The following CLBA1 variants were observed in gnomAD, a reference collection of about 807,000 sequenced individuals.
The protein encoded by CLBA1 is uncharacterized protein CLBA1.
CLBA1 carries 30 observed loss-of-function variants against 28.8 expected under a neutral mutation model. That is an observed-to-expected ratio of 1.04 (90% CI 0.78 to 1.41). The LOEUF is 1.41. Ranked by LOEUF, CLBA1 falls within the 40% of genes most tolerant of loss-of-function variation. CLBA1 has a pLI of 0.00. For synonymous variants in CLBA1, 160 were observed against 152.8 expected (o/e 1.05, Z -0.35); for missense variants, 451 against 412.3 (o/e 1.09, Z -0.81).
In CLBA1 at chr14:104,986,113, G is replaced by T; in HGVS notation, c.-319G>T. 2.4e-6 allele frequency: 1 copy of T among 414,742 alleles called. No homozygotes were observed. The highest frequency in any genetic ancestry group is 4.5e-6 in the Non-Finnish European group (1 of 221,544). The allele number at this position is 414,742 out of a possible 1,614,324, so 25.7% of individuals were successfully genotyped here. A position where few individuals can be genotyped will look rare whatever the true frequency, so the allele number is the denominator to read the frequency against. On this transcript the variant is annotated 5_prime_UTR_variant, in exon 1 of 5. The change creates a new upstream start codon in the 5' untranslated region. Transcript: ENST00000547315. ...CCCCCTCGCGGCTCTCTCCAGAGCA[G>T]GAGCCCCACCTTGGGCCGCCCCTCT...
Position 104,986,610 on chromosome 14 carries a change from G to A in CLBA1, c.179G>A (p.Gly60Asp), listed in dbSNP as rs1899870183. ...GKASISMPRE[G>D]GSTCTARCPD... ...GCCAGCATCTCCATGCCCCGTGAGG[G>A]CGGTTCCACCTGCACTGCCCGATGT... Residue 60 changes from glycine (G) to aspartate (D), a missense_variant, in exon 1 of 5, where the codon GGC (glycine) becomes GAC (aspartate). Transcript: ENST00000547315. 6.2e-7 allele frequency: 1 copy of A among 1,614,102 alleles called. No homozygotes were observed. The highest frequency in any genetic ancestry group is 8.5e-7 in the Non-Finnish European group (1 of 1,180,020).
At chr14:104,995,574 G>A (rs1310879599), downstream of CLBA1, 1 of 934,036 alleles carries the variant, frequency 1.1e-6, no homozygotes, top group Non-Finnish European at 1.3e-6. Context: ...CTGTCCCCAG[G>A]GGAGGCCTGA....
chr14:104,999,625 T>G (rs1042406345), downstream of CLBA1: 1 of 152,230 alleles, frequency 6.6e-6, no homozygotes, highest in Non-Finnish European at 1.5e-5. Context: ...ATCATGGCAG[T>G]AACAGATGGT....
At chr14:104,995,644 C>T, downstream of CLBA1, 1 of 265,098 alleles carries the variant, frequency 3.8e-6, no homozygotes, top group South Asian at 1.4e-4. Flanking sequence ...CACAGGGGAC[C>T]ATAGCCTCCA....
rs761228514 is a variant in CLBA1, at chr14:104,986,835, C to A, written c.404C>A (p.Ser135Tyr). 1.5e-5 allele frequency: 24 copies of A among 1,613,142 alleles called. No homozygotes were observed. In the Admixed American group the frequency reaches 1.7e-4, roughly 11 times the overall value. The change falls in exon 1 of 5, where the codon TCT becomes TAT. Residue 135 changes from serine to tyrosine, a missense_variant. Physicochemically the swap from Ser to Tyr is moderately radical, Grantham distance 144. Transcript: ENST00000547315. ...GGTGGACCTTGGGTGACAGGAACTT[C>A]TGCCGTCCCACCTTCTGAGGTATTT... ...CQGGPWVTGT[S>Y]AVPPSEPILS...
Position 104,994,436 on chromosome 14 carries a change from C to T in CLBA1, c.817-162C>T, listed in dbSNP as rs949095867. On this transcript the variant is annotated intron_variant, in intron 4 of 4. Coordinates refer to ENST00000547315, the MANE Select transcript of CLBA1 (RefSeq NM_174891.4). ...GAAGCCCCAGCATGTTTTCCCTGGG[C>T]GCCTCTCTGGTGACATCCCATGATG... The T allele has an allele frequency of 1.6e-5, 16 of 985,340 alleles. No individual in the cohort carries two copies. The African/African-American group carries it at 1.7e-4, about 11-fold the overall frequency. 61.0% of individuals were successfully genotyped at this position (985,340 alleles called of 1,614,324 possible). A position where few individuals can be genotyped will look rare whatever the true frequency, so the allele number is the denominator to read the frequency against.
At chr14:104,987,199 T>C (rs1282056303) in intron 1 of CLBA1, among the ~76,000 whole-genome samples, 1 of 152,270 alleles carries the variant, frequency 6.6e-6, no homozygotes, top group Non-Finnish European at 1.5e-5. Flanking sequence ...GAGGAGCTTT[T>C]TGTCTGAATT....
At chr14:104,989,268 G>A in intron 2 of CLBA1, 180 bp downstream of exon 2, 1 of 608,096 alleles carries the variant, frequency 1.6e-6, no homozygotes. Context: ...CTCCAGCTGT[G>A]GCCTTCCACT....
rs181306438 is a variant in CLBA1, at chr14:104,992,990, C to T, written c.742C>T (p.Leu248Phe). 71 of 1,614,156 alleles carry T rather than the reference C, an allele frequency of 4.4e-5. No homozygotes were observed. The East Asian group carries it at 1.3e-3, about 30-fold the overall frequency. The change falls in exon 4 of 5, where the codon CTC (leucine) becomes TTC (phenylalanine). Residue 248 changes from leucine to phenylalanine, a missense_variant. Physicochemically the swap from Leu to Phe is conservative, Grantham distance 22. Coordinates refer to ENST00000547315, the MANE Select transcript of CLBA1 (RefSeq NM_174891.4). Reference protein sequence around the residue: ...GQGHIMEDCDLKEPEGLLTVS... With the variant: ...GQGHIMEDCDFKEPEGLLTVS... ...GGGCCACATCATGGAAGATTGTGACCTCAAAGAGCCTGAAGGACTCCTCAC... is the reference window on the plus strand; with the variant it reads ...GGGCCACATCATGGAAGATTGTGACTTCAAAGAGCCTGAAGGACTCCTCAC...
intron 4 of CLBA1, chr14:104,994,264 G>A (rs1900113202): frequency 4.1e-6 from 4 of 985,326 alleles, no homozygotes; most frequent in Non-Finnish European, 4.8e-6. Context: ...AGTGGCTACT[G>A]GAGGGCTGTG....
At chr14:104,998,044 T>C (rs545435001), downstream of CLBA1, among the ~76,000 whole-genome samples, 1 of 151,228 alleles carries the variant, frequency 6.6e-6, no homozygotes, top group South Asian at 2.1e-4. Flanking sequence ...AAAAAAATAT[T>C]CTTTAAAAAT....
chr14:104,993,368 T>C (rs967263293), intron 4 of CLBA1: 1 of 985,068 alleles, frequency 1.0e-6, no homozygotes, highest in African/African-American at 1.7e-5. Flanking sequence ...AGACGCCAGG[T>C]GTGGATGACG....
intron 1 of CLBA1, 25 bp downstream of exon 1, chr14:104,986,879 C>T (rs1367933893): frequency 6.2e-7 from 1 of 1,608,232 alleles, no homozygotes; most frequent in South Asian, 1.1e-5. Flanking sequence ...CTGTGGTCAC[C>T]ATGTTGAGTG....
At chr14:104,993,473 G>A (rs1280882561) in intron 4 of CLBA1, 1 of 985,318 alleles carries the variant, frequency 1.0e-6, no homozygotes, top group African/African-American at 1.7e-5. Flanking sequence ...CTGACTGGCG[G>A]CTTCAGTCAC....
At position 104,993,016 on chromosome 14, in the gene CLBA1, T is replaced by A; in HGVS notation, c.768T>A (p.Thr256=). The A allele has an allele frequency of 6.2e-7, 1 of 1,614,126 alleles. No homozygotes were observed. Among genetic ancestry groups the A allele is most frequent in the Non-Finnish European group, 8.5e-7 (1 of 1,180,028 alleles). ...TCAAAGAGCCTGAAGGACTCCTCAC[T>A]GTCAGCAGCTTCTGTCTCCAGCATT... ...CDLKEPEGLL[T]VSSFCLQHCK... The change falls in exon 4 of 5, where the codon ACT becomes ACA. Residue 256 remains threonine (T), a synonymous_variant. Transcript: ENST00000547315.
chr14:104,999,113 A>G, downstream of CLBA1: 1 of 661,178 alleles, frequency 1.5e-6, no homozygotes, highest in African/African-American at 2.0e-5. Flanking sequence ...ATTGAGGCTG[A>G]CAGCTTTCCT....
chr14:104,997,751 G>A (rs756875410), downstream of CLBA1, among the ~76,000 whole-genome samples: 78 of 152,354 alleles, frequency 5.1e-4, 1 homozygote, highest in Non-Finnish European at 4.6e-4. Context: ...GCTCACACCT[G>A]TAATCCCAGC....
chr14:104,991,274 T>C, intron 2 of CLBA1: 1 of 421,102 alleles, frequency 2.4e-6, no homozygotes, highest in Non-Finnish European at 4.3e-6. Context: ...TCTGTCAGCC[T>C]CAGCCTCCCA....
At chr14:104,997,991 A>T (rs982693605), downstream of CLBA1, among the ~76,000 whole-genome samples, 32 of 152,098 alleles carry the variant, frequency 2.1e-4, no homozygotes, top group African/African-American at 7.3e-4. Flanking sequence ...TCTGGGCAAC[A>T]GAGTGAGACT....
Sources: gnomAD v4.1 joint callset for allele counts (sites outside exome capture counted in the v4.1 genomes callset) on GRCh38, gnomAD v4.1.1 for gene constraint, MANE v1.5 for transcripts, NCBI Gene and HGNC (gene_info 2026-07-23, HGNC 2026-07-21) for gene names.